Variants in DACH1 observed in about 807,000 individuals in gnomAD.
DACH1 encodes the protein dachshund homolog 1.
Under a neutral mutation model 54.2 loss-of-function variants are expected in DACH1, and 12 were observed. The observed-to-expected ratio is 0.22, with a 90% CI of 0.14 to 0.36. The LOEUF (loss-of-function observed/expected upper bound fraction) is 0.36. Among genes scored for constraint, DACH1 ranks in the 10% least tolerant of loss-of-function variants. DACH1 has a pLI of 1.00. For missense variants in DACH1, 805 were observed against 929.8 expected, an observed-to-expected ratio of 0.87 and a Z score of 1.75; for synonymous variants, 386 against 366.2, an observed-to-expected ratio of 1.05 and a Z score of -0.62.
chr13:71,490,462 T>C (rs1258669829), intron 6 of DACH1, among the ~76,000 whole-genome samples: 1 of 152,202 alleles, frequency 6.6e-6, no homozygotes, highest in Admixed American at 6.5e-5. Context: ...GAAGGCCTCC[T>C]ATTAACTCCT....
intron 1 of DACH1, among the ~76,000 whole-genome samples, chr13:71,814,895 A>G (rs992518942): frequency 6.6e-6 from 1 of 152,216 alleles, no homozygotes; most frequent in East Asian, 1.9e-4. Context: ...CTGTACTAAC[A>G]TAGCATATGA....
At chr13:71,815,370 A>G (rs2138162563) in intron 1 of DACH1, among the ~76,000 whole-genome samples, 1 of 152,268 alleles carries the variant, frequency 6.6e-6, no homozygotes, top group South Asian at 2.1e-4. Context: ...CGTCAAGCAC[A>G]GTGTTATTCA....
intron 2 of DACH1, among the ~76,000 whole-genome samples, chr13:71,657,759 C>G (rs992966225): frequency 6.6e-6 from 1 of 151,814 alleles, no homozygotes; most frequent in African/African-American, 2.4e-5. Context: ...TTTTTTATGT[C>G]TGAGTAATTC....
At chr13:71,825,448 T>C (rs1481898096) in intron 1 of DACH1, among the ~76,000 whole-genome samples, 2 of 152,090 alleles carry the variant, frequency 1.3e-5, no homozygotes, top group Non-Finnish European at 2.9e-5. Context: ...ACCACATACT[T>C]ATTAAGTGTC....
intron 3 of DACH1, among the ~76,000 whole-genome samples, chr13:71,599,761 T>C (rs529410427): frequency 6.6e-6 from 1 of 152,002 alleles, no homozygotes; most frequent in South Asian, 2.1e-4. Flanking sequence ...TAATGTTAAT[T>C]TTTTTTACAT....
intron 1 of DACH1, among the ~76,000 whole-genome samples, chr13:71,695,400 T>A (rs181235081): frequency 3.9e-5 from 6 of 152,312 alleles, no homozygotes; most frequent in African/African-American, 1.4e-4. Flanking sequence ...TTCTTATTGT[T>A]AGAATACATA....
At chr13:71,472,876 C>T (rs1454711848) in intron 10 of DACH1, among the ~76,000 whole-genome samples, 1 of 152,050 alleles carries the variant, frequency 6.6e-6, no homozygotes, top group Non-Finnish European at 1.5e-5. Context: ...TGCTTTTGTT[C>T]ACAGTTAATT....
intron 10 of DACH1, among the ~76,000 whole-genome samples, chr13:71,446,997 G>A (rs528250286): frequency 3.0e-4 from 45 of 152,272 alleles, no homozygotes; most frequent in Middle Eastern, 3.4e-3. Flanking sequence ...GGGATTGAGC[G>A]AAACTATTTA....
intron 1 of DACH1, among the ~76,000 whole-genome samples, chr13:71,828,270 A>G (rs1229739369): frequency 6.6e-6 from 1 of 151,922 alleles, no homozygotes; most frequent in Non-Finnish European, 1.5e-5. Context: ...GGAAACCACA[A>G]TCTTTCAAAA....
chr13:71,695,333 C>T (rs1355312639), intron 1 of DACH1, among the ~76,000 whole-genome samples: 1 of 152,148 alleles, frequency 6.6e-6, no homozygotes, highest in Non-Finnish European at 1.5e-5. Context: ...AAGGCCGATT[C>T]TAGATACCAT....
intron 1 of DACH1, among the ~76,000 whole-genome samples, chr13:71,763,363 A>G (rs1885481685): frequency 1.3e-5 from 2 of 152,170 alleles, no homozygotes; most frequent in Admixed American, 6.5e-5. Flanking sequence ...ATTTTTGCTT[A>G]TAAGATATTA....
chr13:71,648,228 C>G (rs1469654112), intron 2 of DACH1, among the ~76,000 whole-genome samples: 1 of 152,132 alleles, frequency 6.6e-6, no homozygotes, highest in Non-Finnish European at 1.5e-5. Flanking sequence ...TGAGCTATAT[C>G]AAATAGACAC....
intron 1 of DACH1, among the ~76,000 whole-genome samples, chr13:71,832,531 G>C (rs1888631974): frequency 6.6e-6 from 1 of 151,984 alleles, no homozygotes; most frequent in East Asian, 1.9e-4. Flanking sequence ...CTCCATTCTT[G>C]TCAAAAAATG....
intron 6 of DACH1, among the ~76,000 whole-genome samples, chr13:71,540,626 T>C (rs1182052961): frequency 6.6e-6 from 1 of 152,092 alleles, no homozygotes; most frequent in Non-Finnish European, 1.5e-5. Flanking sequence ...AAAATCCAGA[T>C]TTTTTATGGA....
intron 7 of DACH1, among the ~76,000 whole-genome samples, chr13:71,486,859 T>C (rs1240512120): frequency 2.0e-5 from 3 of 148,942 alleles, no homozygotes; most frequent in East Asian, 2.0e-4. Flanking sequence ...TATCTATCTA[T>C]CTGAGATGGA....
At chr13:71,758,326 A>G (rs1885253897) in intron 1 of DACH1, among the ~76,000 whole-genome samples, 1 of 152,234 alleles carries the variant, frequency 6.6e-6, no homozygotes, top group South Asian at 2.1e-4. Context: ...TGTTTAAGCT[A>G]CTGATCCTAT....
chr13:71,493,903 A>T (rs2138214556), intron 6 of DACH1, among the ~76,000 whole-genome samples: 1 of 152,292 alleles, frequency 6.6e-6, no homozygotes, highest in African/African-American at 2.4e-5. Context: ...GAGTCATACA[A>T]GTAAAATTTC....
chr13:71,523,923 T>G (rs1333660541), intron 6 of DACH1, among the ~76,000 whole-genome samples: 1 of 152,160 alleles, frequency 6.6e-6, no homozygotes, highest in African/African-American at 2.4e-5. Context: ...AAATTATATG[T>G]TACCACAGTG....
chr13:71,541,936 T>G (rs577485254), intron 6 of DACH1, among the ~76,000 whole-genome samples: 2 of 149,658 alleles, frequency 1.3e-5, no homozygotes, highest in East Asian at 3.9e-4. Flanking sequence ...TTTTTTTTTT[T>G]TTTTTTTTTT....
Sources: gnomAD v4.1 joint callset for allele counts (sites outside exome capture counted in the v4.1 genomes callset) on GRCh38, gnomAD v4.1.1 for gene constraint, MANE v1.5 for transcripts, NCBI Gene and HGNC (gene_info 2026-07-23, HGNC 2026-07-21) for gene names.